Variants in PTPRG observed in about 807,000 individuals in gnomAD.
The protein encoded by PTPRG is protein tyrosine phosphatase receptor type G.
Under a neutral mutation model 165.3 loss-of-function variants are expected in PTPRG, and 102 were observed. The ratio of observed to expected loss-of-function variants is 0.62; its 90% CI spans 0.53 to 0.73. PTPRG has a LOEUF of 0.73. Ranked by LOEUF, PTPRG falls within the 30% of genes least tolerant of loss-of-function variation. PTPRG has a pLI of 0.00. For synonymous variants in PTPRG, 675 were observed against 669.5 expected, an observed-to-expected ratio of 1.01 and a Z score of -0.13; for missense variants, 1,866 against 1,861.4, an observed-to-expected ratio of 1.00 and a Z score of -0.05.
intron 1 of PTPRG, among the ~76,000 whole-genome samples, chr3:61,594,648 A>G (rs1232265777): frequency 6.6e-6 from 1 of 152,122 alleles, no homozygotes; most frequent in Non-Finnish European, 1.5e-5. Flanking sequence ...GCAGATATTT[A>G]TTAGGTGTGT....
rs1339111045 is a variant in PTPRG, at chr3:61,688,456, C to CTGAGTCTCTGGAAA, written c.86-60422_86-60421insTGAGTCTCTGGAAA. On this transcript the variant is annotated intron_variant, in intron 1 of 29. Coordinates refer to ENST00000474889, the MANE Select transcript of PTPRG (RefSeq NM_002841.4). ...TCTTTTCTCAGTCGCCTCCATCTTT[C>CTGAGTCTCTGGAAA]CAGAGACTCAGAGGCCACCAGCTGT... Among the ~76,000 whole-genome samples the CTGAGTCTCTGGAAA allele has an allele frequency of 6.6e-4, 101 of 152,272 alleles. 1 individual carries two copies. Among genetic ancestry groups the CTGAGTCTCTGGAAA allele is most frequent in the Non-Finnish European group, 7.3e-5 (5 of 68,030 alleles).
chr3:62,147,104 C>G (rs764690682), intron 6 of PTPRG, among the ~76,000 whole-genome samples: 2 of 152,128 alleles, frequency 1.3e-5, no homozygotes, highest in Non-Finnish European at 2.9e-5. Context: ...AGTTCTCAGC[C>G]CTCACTAGGA....
At chr3:61,784,096 C>T in intron 2 of PTPRG, among the ~76,000 whole-genome samples, 1 of 152,118 alleles carries the variant, frequency 6.6e-6, no homozygotes, top group East Asian at 1.9e-4. Flanking sequence ...ATAGAGAAGG[C>T]TAGGAATGGT....
At chr3:61,842,458 A>C (rs1279510710) in intron 2 of PTPRG, among the ~76,000 whole-genome samples, 2 of 152,200 alleles carry the variant, frequency 1.3e-5, no homozygotes, top group African/African-American at 2.4e-5. Flanking sequence ...ATTTACTTTC[A>C]TTACATGTTC....
At chr3:61,745,373 C>CT (rs2033158473) in intron 1 of PTPRG, among the ~76,000 whole-genome samples, 2 of 152,146 alleles carry the variant, frequency 1.3e-5, no homozygotes, top group African/African-American at 4.8e-5. Flanking sequence ...GATGAACACA[C>CT]ACCATGCGCT....
chr3:61,836,175 AATC>A (rs564893341), intron 2 of PTPRG, among the ~76,000 whole-genome samples: 1 of 151,758 alleles, frequency 6.6e-6, no homozygotes, highest in Non-Finnish European at 1.5e-5. Flanking sequence ...TATGTGTAGG[AATC>A]ACTGGTAAGT....
intron 1 of PTPRG, among the ~76,000 whole-genome samples, chr3:61,697,693 C>G (rs1374571292): frequency 6.6e-6 from 1 of 152,174 alleles, no homozygotes; most frequent in Non-Finnish European, 1.5e-5. Context: ...ATTGTCTGTC[C>G]TTTGGGCTCA....
Position 62,252,342 on chromosome 3 carries a change from G to T in PTPRG, c.2468-2782G>T, listed in dbSNP as rs1053667340. 1.3e-5 allele frequency among the ~76,000 whole-genome samples: 2 copies of T among 152,178 alleles called. No individual in the cohort carries two copies. The highest frequency in any genetic ancestry group is 6.5e-5 in the Admixed American group (1 of 15,280). ...GGTTTCCCATTCTCTCTGAGTCGGA[G>T]CACTTTTTATCTAGGGTCTGCAGCC... is the stretch of plus-strand genomic sequence containing the variant. On this transcript the variant is annotated intron_variant, in intron 15 of 29. Transcript: ENST00000474889. The surrounding 1 kb of genome is among the most constrained non-coding windows in gnomAD (Gnocchi z 4.6).
chr3:61,779,263 A>G (rs1270630019), intron 2 of PTPRG, among the ~76,000 whole-genome samples: 1 of 152,228 alleles, frequency 6.6e-6, no homozygotes, highest in African/African-American at 2.4e-5. Context: ...CTGGGGAAAC[A>G]TCAGATGAAT....
At chr3:61,670,617 C>G (rs1184837275) in intron 1 of PTPRG, among the ~76,000 whole-genome samples, 1 of 152,170 alleles carries the variant, frequency 6.6e-6, no homozygotes, top group Non-Finnish European at 1.5e-5. Flanking sequence ...ATTAACCTCT[C>G]TGACACGAAA....
chr3:62,155,119 T>G (rs991659151), intron 6 of PTPRG, among the ~76,000 whole-genome samples: 8 of 152,242 alleles, frequency 5.3e-5, no homozygotes, highest in African/African-American at 7.2e-5. Flanking sequence ...TAGCCTTTTG[T>G]ACAGCAGAAA....
intron 5 of PTPRG, among the ~76,000 whole-genome samples, chr3:62,097,994 AGCT>A (rs1226356049): frequency 2.0e-5 from 3 of 152,242 alleles, no homozygotes; most frequent in African/African-American, 7.2e-5. Flanking sequence ...AGGTTTGAAG[AGCT>A]GCTATCACAG....
At chr3:61,818,912 G>A (rs940791456) in intron 2 of PTPRG, among the ~76,000 whole-genome samples, 2 of 147,630 alleles carry the variant, frequency 1.4e-5, no homozygotes, top group Admixed American at 6.8e-5. Context: ...GTGAAATAGT[G>A]GCCCTTTAAA....
At chr3:62,291,696 A>G (rs1702903849) in intron 28 of PTPRG, among the ~76,000 whole-genome samples, 1 of 152,172 alleles carries the variant, frequency 6.6e-6, no homozygotes, top group Admixed American at 6.5e-5. Context: ...CAGCAACATC[A>G]TCTTGAACAA....
chr3:61,766,733 C>T (rs1448868364), intron 2 of PTPRG, among the ~76,000 whole-genome samples: 1 of 151,912 alleles, frequency 6.6e-6, no homozygotes, highest in African/African-American at 2.4e-5. Context: ...TCTCCTGTCT[C>T]AGCCTCCCTA....
chr3:61,747,106 G>C (rs2033237414), intron 1 of PTPRG, among the ~76,000 whole-genome samples: 2 of 136,222 alleles, frequency 1.5e-5, no homozygotes, highest in Non-Finnish European at 1.6e-5. Context: ...CTGTTCGACA[G>C]AGCAAGACCC....
At chr3:62,055,203 G>A (rs939574898) in intron 4 of PTPRG, among the ~76,000 whole-genome samples, 7 of 152,116 alleles carry the variant, frequency 4.6e-5, no homozygotes, top group African/African-American at 1.7e-4. Context: ...AAAATTTAAA[G>A]CAGTAATTAA....
At chr3:61,764,223 A>G (rs948405493) in intron 2 of PTPRG, among the ~76,000 whole-genome samples, 1 of 152,324 alleles carries the variant, frequency 6.6e-6, no homozygotes, top group East Asian at 1.9e-4. Flanking sequence ...GACCTAGGGT[A>G]TATTTTCTGA....
chr3:62,006,142 G>A (rs1352322882), intron 4 of PTPRG, among the ~76,000 whole-genome samples: 1 of 152,074 alleles, frequency 6.6e-6, no homozygotes, highest in African/African-American at 2.4e-5. Flanking sequence ...CAGGTTGTTT[G>A]GATGTTTTTC....
Sources: allele counts gnomAD v4.1 joint callset (sites outside exome capture counted in the v4.1 genomes callset), GRCh38; gene constraint gnomAD v4.1.1; non-coding constraint Gnocchi (gnomAD v3.1); transcripts MANE v1.5; gene names NCBI Gene and HGNC (gene_info 2026-07-23, HGNC 2026-07-21).